Variants in SHROOM4 observed in about 807,000 individuals in gnomAD.
The protein encoded by SHROOM4 is shroom family member 4, also known as protein Shroom4.
SHROOM4 carries 17 observed loss-of-function variants against 80.3 expected under a neutral mutation model. The observed-to-expected ratio is 0.21, with a 90% CI of 0.14 to 0.32. The LOEUF (loss-of-function observed/expected upper bound fraction) is 0.32, where lower values mean the gene tolerates loss of function less well. Among genes scored for constraint, SHROOM4 ranks in the 10% least tolerant of loss-of-function variants. SHROOM4 has a pLI of 1.00. For missense variants in SHROOM4, 993 were observed against 1,140.3 expected, an observed-to-expected ratio of 0.87 and a Z score of 1.86; for synonymous variants, 400 against 437.5, an observed-to-expected ratio of 0.91 and a Z score of 1.07.
intron 2 of SHROOM4, among the ~76,000 whole-genome samples, chrX:50,650,484 G>A (rs370380751): frequency 9.0e-6 from 1 of 110,744 alleles, no homozygotes; most frequent in Admixed American, 9.5e-5. Context: ...CCGAGTAGCC[G>A]GGACTGCAGG....
chrX:50,579,923 A>T, the SHROOM4 span, among the ~76,000 whole-genome samples: 1 of 111,713 alleles, frequency 9.0e-6, no homozygotes, highest in Non-Finnish European at 1.9e-5. Context: ...ATGATAAACA[A>T]CCAGCACCCC....
At chrX:50,795,578 G>A (rs1448831099) in intron 1 of SHROOM4, among the ~76,000 whole-genome samples, 3 of 111,599 alleles carry the variant, frequency 2.7e-5, no homozygotes, top group Non-Finnish European at 5.6e-5. Context: ...TTTCTGATGG[G>A]CTTCAAGGAA....
intron 7 of SHROOM4, among the ~76,000 whole-genome samples, chrX:50,602,230 T>A (rs782422437): frequency 9.1e-6 from 1 of 110,055 alleles, no homozygotes; most frequent in Non-Finnish European, 1.9e-5. Flanking sequence ...CAGCTGAGAT[T>A]ACAGGTGCCC....
chrX:50,735,154 TGA>T (rs1300368126), intron 1 of SHROOM4, among the ~76,000 whole-genome samples: 1 of 112,069 alleles, frequency 8.9e-6, no homozygotes, highest in Non-Finnish European at 1.9e-5. Flanking sequence ...GGAATGGCAT[TGA>T]GAGTTCAGAA....
intron 2 of SHROOM4, among the ~76,000 whole-genome samples, chrX:50,652,035 A>G (rs369150343): frequency 9.8e-5 from 11 of 112,132 alleles, no homozygotes; most frequent in African/African-American, 3.2e-4. Context: ...TAGTGCTACA[A>G]TAAACATACG....
chrX:50,618,368 C>A (rs1930394638), intron 5 of SHROOM4, among the ~76,000 whole-genome samples: 1 of 34,788 alleles, frequency 2.9e-5, no homozygotes, highest in African/African-American at 1.5e-4. Context: ...TCCTTCCTTC[C>A]TTCCTTCCTT....
chrX:50,704,888 G>C (rs1178486472), intron 1 of SHROOM4, among the ~76,000 whole-genome samples: 3 of 111,290 alleles, frequency 2.7e-5, no homozygotes, highest in Non-Finnish European at 3.8e-5. Flanking sequence ...TTAATCTCTG[G>C]TCTCCACTTA....
At chrX:50,687,923 C>T (rs962203468) in intron 2 of SHROOM4, among the ~76,000 whole-genome samples, 6 of 109,588 alleles carry the variant, frequency 5.5e-5, no homozygotes, top group Non-Finnish European at 1.1e-4. Context: ...AAAAAAAACT[C>T]CTGAGTCCTT....
At position 50,671,117 on chromosome X, in the gene SHROOM4, A is replaced by C. The variant is rs187857237; in HGVS notation, c.269+24669T>G. Among the ~76,000 whole-genome samples the C allele has an allele frequency of 2.4e-4, 27 of 111,875 alleles. No homozygotes were observed. The East Asian group carries it at 6.8e-3, about 28-fold the overall frequency. ...AGTAATATTTGAAAGGAATTTTCTG[A>C]GCAGTAATTATCAACAATGGGCTTA... On this transcript the variant is annotated intron_variant, in intron 2 of 8. Transcript: ENST00000376020.
chrX:50,657,103 T>TTTG (rs1229788545), intron 2 of SHROOM4, among the ~76,000 whole-genome samples: 5 of 111,757 alleles, frequency 4.5e-5, no homozygotes, highest in Non-Finnish European at 7.5e-5. Context: ...ACAGGGTAAC[T>TTTG]TTGTATCCTG....
rs1557255668 is a variant in SHROOM4 at position 50,635,258 on chromosome X, C to T, written c.815G>A (p.Gly272Asp). ...YQSGPAKAVR[G>D]PPQPPVRRDS... ...CCGCCTCACTGGAGGTTGTGGTGGGCCCCTGACTGCTTTGGCGGGCCCTGA... is the reference window on the plus strand; with the variant it reads ...CCGCCTCACTGGAGGTTGTGGTGGGTCCCTGACTGCTTTGGCGGGCCCTGA... Residue 272 changes from glycine to aspartate, a missense_variant, in exon 4 of 9, where the codon GGC (glycine) becomes GAC (aspartate). By Grantham distance (94) the Gly-to-Asp change is moderately conservative (BLOSUM62 -1). Coordinates refer to ENST00000376020, the MANE Select transcript of SHROOM4 (RefSeq NM_020717.5). 3 of 1,202,078 alleles carry T rather than the reference C, an allele frequency of 2.5e-6. No homozygotes were observed. The highest frequency in any genetic ancestry group is 2.2e-6 in the Non-Finnish European group (2 of 890,638).
At chrX:50,617,826 G>A (rs1180281745) in intron 5 of SHROOM4, among the ~76,000 whole-genome samples, 1 of 110,934 alleles carries the variant, frequency 9.0e-6, no homozygotes, top group African/African-American at 3.3e-5. Context: ...GCCCTGTGTT[G>A]GGGCAGCCTG....
intron 2 of SHROOM4, among the ~76,000 whole-genome samples, chrX:50,662,787 T>A (rs1932554143): frequency 9.0e-6 from 1 of 111,002 alleles, no homozygotes; most frequent in African/African-American, 3.3e-5. Flanking sequence ...TACTGAAAAA[T>A]TGCACATTAG....
chrX:50,644,069 T>C (rs150393589), intron 2 of SHROOM4, among the ~76,000 whole-genome samples: 69 of 111,983 alleles, frequency 6.2e-4, no homozygotes, highest in African/African-American at 2.0e-3. Context: ...TGGGGGCAAG[T>C]GACTGAGAGA....
chrX:50,618,548 T>C (rs1930430408), intron 5 of SHROOM4, among the ~76,000 whole-genome samples: 2 of 109,015 alleles, frequency 1.8e-5, no homozygotes, highest in Admixed American at 2.0e-4. Context: ...CCACCATGCC[T>C]AGCTAATTTT....
chrX:50,742,703 C>G (rs1934690645), intron 1 of SHROOM4, among the ~76,000 whole-genome samples: 1 of 105,762 alleles, frequency 9.5e-6, no homozygotes, highest in Non-Finnish European at 1.9e-5. Context: ...AAGGAACACA[C>G]TACCAACATG....
chrX:50,635,776 AGGC>A, intron 3 of SHROOM4, 108 bp from the exon 4 acceptor site: 1 of 608,617 alleles, frequency 1.6e-6, no homozygotes, highest in Admixed American at 3.0e-5. Flanking sequence ...AGAGGAGGGT[AGGC>A]AAAAAAAAAA....
intron 4 of SHROOM4, 81 bp from the exon 5 acceptor site, chrX:50,627,756 G>C: frequency 1.2e-6 from 1 of 829,454 alleles, no homozygotes; most frequent in Non-Finnish European, 1.8e-6. Context: ...AAGAGGTCAG[G>C]AGCCGGTGTC....
intron 1 of SHROOM4, among the ~76,000 whole-genome samples, chrX:50,761,637 A>G (rs1334328259): frequency 9.0e-6 from 1 of 111,200 alleles, no homozygotes; most frequent in Non-Finnish European, 1.9e-5. Flanking sequence ...ACCTCGGCTT[A>G]CTGCAACCTT....
Sources: gnomAD v4.1 joint callset for allele counts (sites outside exome capture counted in the v4.1 genomes callset) on GRCh38, gnomAD v4.1.1 for gene constraint, MANE v1.5 for transcripts, NCBI Gene and HGNC (gene_info 2026-07-23, HGNC 2026-07-21) for gene names.